The following LRP1B variants were observed in gnomAD, a reference collection of about 807,000 sequenced individuals.
LRP1B encodes low-density lipoprotein receptor-related protein 1B.
LRP1B carries 217 observed loss-of-function variants against 556.6 expected under a neutral mutation model. That is an observed-to-expected ratio of 0.39 (90% CI 0.35 to 0.44). The LOEUF (loss-of-function observed/expected upper bound fraction) is 0.44. Among genes scored for constraint, LRP1B ranks in the 20% least tolerant of loss-of-function variants. The probability of loss-of-function intolerance (pLI) is 1.00; values close to 1 mark genes in which losing one functional copy is unlikely to be tolerated. For missense variants in LRP1B, 5,053 were observed against 5,620.8 expected, an observed-to-expected ratio of 0.90 and a Z score of 3.23; for synonymous variants, 2,047 against 1,865.8, an observed-to-expected ratio of 1.10 and a Z score of -2.50.
chr2:141,711,250 G>C (rs1287451683), intron 2 of LRP1B, among the ~76,000 whole-genome samples: 2 of 152,114 alleles, frequency 1.3e-5, no homozygotes, highest in Non-Finnish European at 2.9e-5. Flanking sequence ...GACTTGGCAG[G>C]TAGCATACAT....
intron 43 of LRP1B, among the ~76,000 whole-genome samples, chr2:140,579,896 G>A (rs1217979764): frequency 6.6e-6 from 1 of 152,088 alleles, no homozygotes; most frequent in Non-Finnish European, 1.5e-5. Flanking sequence ...ATTTTCAGAA[G>A]AATAAAGTTT....
chr2:141,397,133 A>AAAAAAAAAAAAAAAAAAAAAAC (rs1690269934), intron 3 of LRP1B, among the ~76,000 whole-genome samples: 1 of 149,630 alleles, frequency 6.7e-6, no homozygotes, highest in African/African-American at 2.5e-5. Context: ...AAAAAAAAAA[A>AAAAAAAAAAAAAAAAAAAAAAC]AAGGATGTGG....
At chr2:141,801,451 G>C (rs1032489714) in intron 2 of LRP1B, among the ~76,000 whole-genome samples, 2 of 152,010 alleles carry the variant, frequency 1.3e-5, no homozygotes, top group African/African-American at 4.8e-5. Context: ...ACTGCACCTG[G>C]CCTGTTTTTT....
chr2:140,770,845 A>T (rs2104938589), intron 34 of LRP1B, 36 bp downstream of exon 34: 1 of 1,505,832 alleles, frequency 6.6e-7, no homozygotes, highest in Middle Eastern at 1.8e-4. Flanking sequence ...TAGTGAAGTA[A>T]ATGAACCAGA....
chr2:141,580,614 A>G (rs953974871), intron 2 of LRP1B, among the ~76,000 whole-genome samples: 2 of 152,226 alleles, frequency 1.3e-5, no homozygotes, highest in African/African-American at 4.8e-5. Flanking sequence ...ATCCTTTGAA[A>G]GACCATATAA....
At chr2:141,796,718 C>G (rs2105676443) in intron 2 of LRP1B, among the ~76,000 whole-genome samples, 1 of 151,732 alleles carries the variant, frequency 6.6e-6, no homozygotes, top group African/African-American at 2.4e-5. Flanking sequence ...CCTCAACTTG[C>G]AAACATTTTC....
At chr2:141,127,356 A>G (rs2380967) in intron 7 of LRP1B, among the ~76,000 whole-genome samples, 57,009 of 151,968 alleles carry the variant, frequency 0.38, 12,090 homozygotes, top group Non-Finnish European at 0.49. Flanking sequence ...CTAGAACCAG[A>G]AATACCATTT....
intron 1 of LRP1B, among the ~76,000 whole-genome samples, chr2:141,985,499 G>A (rs766771443): frequency 1.4e-5 from 2 of 148,014 alleles, no homozygotes; most frequent in East Asian, 1.9e-4. Context: ...TCAAACAGAC[G>A]AGAATTTTTA....
At chr2:141,331,809 A>C (rs1687668122) in intron 3 of LRP1B, among the ~76,000 whole-genome samples, 1 of 152,172 alleles carries the variant, frequency 6.6e-6, no homozygotes, top group South Asian at 2.1e-4. Flanking sequence ...AGATTGAGAT[A>C]TGAAGAAATG....
rs114185605 is a variant in LRP1B at position 140,634,671 on chromosome 2, C to T, written c.6800-33032G>A. On this transcript the variant is annotated intron_variant, in intron 41 of 90. Transcript: ENST00000389484. ...ATTTGACATGACATGATGAAAATGG[C>T]ACTTCCTCTCAATTATTAATAGCCC... 6.3e-3 allele frequency among the ~76,000 whole-genome samples: 955 copies of T among 152,058 alleles called. 13 individuals carry two copies. Among genetic ancestry groups the T allele is most frequent in the African/African-American group, 0.022 (902 of 41,482 alleles).
chr2:140,950,504 GAC>G, intron 19 of LRP1B, 102 bp from the exon 20 acceptor site: 1 of 1,005,454 alleles, frequency 9.9e-7, no homozygotes, highest in Non-Finnish European at 1.4e-6. Context: ...TGTTTTTTGA[GAC>G]AGAGTCTTGC....
intron 22 of LRP1B, among the ~76,000 whole-genome samples, chr2:140,906,698 C>A (rs1250755926): frequency 1.3e-5 from 2 of 151,988 alleles, no homozygotes; most frequent in Non-Finnish European, 2.9e-5. Flanking sequence ...TTAATAATTT[C>A]TTTTAGAATT....
chr2:141,878,616 G>A (rs1698848284), intron 1 of LRP1B, among the ~76,000 whole-genome samples: 1 of 151,902 alleles, frequency 6.6e-6, no homozygotes, highest in Non-Finnish European at 1.5e-5. Flanking sequence ...TTGAGGTGTT[G>A]ATAAAGTCAT....
chr2:140,530,057 T>C (rs1035212228), intron 47 of LRP1B, among the ~76,000 whole-genome samples: 10 of 152,110 alleles, frequency 6.6e-5, no homozygotes, highest in African/African-American at 2.4e-4. Context: ...TCTACTCTTG[T>C]GAAATTTAAA....
chr2:141,007,624 C>G (rs953008173), intron 14 of LRP1B, among the ~76,000 whole-genome samples: 1 of 151,266 alleles, frequency 6.6e-6, no homozygotes, highest in African/African-American at 2.4e-5. Context: ...ACATTCTGTA[C>G]AGGATGAAAT....
At chr2:141,799,470 G>A (rs934644486) in intron 2 of LRP1B, among the ~76,000 whole-genome samples, 2 of 152,090 alleles carry the variant, frequency 1.3e-5, no homozygotes, top group African/African-American at 4.8e-5. Context: ...ATTGTTGAGC[G>A]TGGCTGCAGC....
chr2:140,852,372 A>C (rs557344971), intron 27 of LRP1B, among the ~76,000 whole-genome samples: 1 of 152,350 alleles, frequency 6.6e-6, no homozygotes, highest in Non-Finnish European at 1.5e-5. Flanking sequence ...TTAAGGAGTT[A>C]GTTTGAGGAG....
chr2:141,202,171 T>C (rs1682054879), intron 6 of LRP1B, among the ~76,000 whole-genome samples: 1 of 151,742 alleles, frequency 6.6e-6, no homozygotes, highest in African/African-American at 2.4e-5. Flanking sequence ...GTCCATGTGT[T>C]ATCATTCAGC....
chr2:141,141,918 A>G (rs977261930), intron 7 of LRP1B, among the ~76,000 whole-genome samples: 1 of 152,172 alleles, frequency 6.6e-6, no homozygotes, highest in Non-Finnish European at 1.5e-5. Context: ...TTGGTTAGAT[A>G]CTTGTTTCAA....
Sources: gnomAD v4.1 joint callset for allele counts (sites outside exome capture counted in the v4.1 genomes callset) on GRCh38, gnomAD v4.1.1 for gene constraint, MANE v1.5 for transcripts, NCBI Gene and HGNC (gene_info 2026-07-23, HGNC 2026-07-21) for gene names.